Variants in ADGRB3 observed in about 807,000 individuals in gnomAD.
ADGRB3 encodes the protein brain-specific angiogenesis inhibitor 3.
In ADGRB3, 37 loss-of-function variants were observed where a neutral mutation model predicts 193.4. The ratio of observed to expected loss-of-function variants is 0.19; its 90% CI spans 0.15 to 0.25. The LOEUF (loss-of-function observed/expected upper bound fraction) is 0.25. ADGRB3 is among the 10% of genes least tolerant of loss of function. The pLI is 1.00. For synonymous variants in ADGRB3, 690 were observed against 644.2 expected (o/e 1.07, Z -1.08); for missense variants, 1,637 against 1,852.9 (o/e 0.88, Z 2.14).
At chr6:68,804,757 C>A (rs1354714150) in intron 3 of ADGRB3, among the ~76,000 whole-genome samples, 1 of 151,964 alleles carries the variant, frequency 6.6e-6, no homozygotes, top group African/African-American at 2.4e-5. Flanking sequence ...ATTACTAAAA[C>A]AAAATTAAAT....
At chr6:68,723,422 G>A (rs911911381) in intron 3 of ADGRB3, among the ~76,000 whole-genome samples, 3 of 151,766 alleles carry the variant, frequency 2.0e-5, no homozygotes, top group South Asian at 4.2e-4. Flanking sequence ...CCTGGTAAGC[G>A]ACAGTTCGAT....
intron 17 of ADGRB3, among the ~76,000 whole-genome samples, chr6:69,229,198 G>T (rs149847953): frequency 2.0e-5 from 3 of 152,000 alleles, no homozygotes; most frequent in Admixed American, 6.6e-5. Flanking sequence ...AGAAATTAAC[G>T]TCGAAGAGTG....
intron 3 of ADGRB3, among the ~76,000 whole-genome samples, chr6:68,913,894 A>T (rs1410863318): frequency 6.6e-6 from 1 of 152,092 alleles, no homozygotes; most frequent in Non-Finnish European, 1.5e-5. Context: ...TACGTGAAGA[A>T]TGCAGAAGCC....
At chr6:69,106,806 G>A (rs934081170) in intron 17 of ADGRB3, among the ~76,000 whole-genome samples, 5 of 152,192 alleles carry the variant, frequency 3.3e-5, no homozygotes, top group Non-Finnish European at 7.3e-5. Flanking sequence ...AAGACAAAGG[G>A]AATGTCTAAA....
At chr6:68,897,630 G>A (rs1198299741) in intron 3 of ADGRB3, among the ~76,000 whole-genome samples, 3 of 122,588 alleles carry the variant, frequency 2.4e-5, no homozygotes, top group African/African-American at 7.0e-5. Flanking sequence ...GAGGGAGGGA[G>A]GAAAGAGGAA....
intron 17 of ADGRB3, among the ~76,000 whole-genome samples, chr6:69,156,753 T>A (rs558093802): frequency 2.0e-4 from 31 of 152,324 alleles, no homozygotes; most frequent in African/African-American, 7.5e-4. Context: ...GAAGGCTGAC[T>A]TTCAAATTTT....
At chr6:69,159,254 G>T (rs1456781327) in intron 17 of ADGRB3, among the ~76,000 whole-genome samples, 1 of 151,952 alleles carries the variant, frequency 6.6e-6, no homozygotes, top group Non-Finnish European at 1.5e-5. Context: ...TCATTATTAA[G>T]TAGAATTTAT....
chr6:69,239,093 A>T, intron 19 of ADGRB3, 31 bp from the exon 20 acceptor site: 1 of 1,350,646 alleles, frequency 7.4e-7, no homozygotes, highest in Non-Finnish European at 1.0e-6. Context: ...GTTGGATTTT[A>T]AAGTTGGGTA....
chr6:69,285,971 G>A (rs1426584569), intron 20 of ADGRB3, among the ~76,000 whole-genome samples: 1 of 152,046 alleles, frequency 6.6e-6, no homozygotes, highest in Non-Finnish European at 1.5e-5. Flanking sequence ...AGGAGGCAAA[G>A]GTTTCATGCC....
chr6:69,324,148 G>A (rs1768518934), intron 20 of ADGRB3, among the ~76,000 whole-genome samples: 1 of 152,026 alleles, frequency 6.6e-6, no homozygotes, highest in South Asian at 2.1e-4. Flanking sequence ...CTAATGATAA[G>A]CACATTCAAG....
chr6:69,386,020 C>G (rs1281692080), intron 31 of ADGRB3, among the ~76,000 whole-genome samples: 1 of 151,974 alleles, frequency 6.6e-6, no homozygotes, highest in Non-Finnish European at 1.5e-5. Context: ...TAAAGGGCAT[C>G]CACACATTTG....
At chr6:69,223,652 CTTTTTT>C (rs554027181) in intron 17 of ADGRB3, among the ~76,000 whole-genome samples, 2 of 110,396 alleles carry the variant, frequency 1.8e-5, no homozygotes, top group African/African-American at 7.7e-5. Flanking sequence ...CTCTCTCTCT[CTTTTTT>C]TTTTTTTTTT....
intron 3 of ADGRB3, among the ~76,000 whole-genome samples, chr6:68,690,305 A>G (rs1472963344): frequency 1.3e-5 from 2 of 152,132 alleles, no homozygotes; most frequent in Admixed American, 6.6e-5. Flanking sequence ...AGACTTGGAA[A>G]TATTACAACG....
At chr6:69,215,974 A>G (rs1317261230) in intron 17 of ADGRB3, among the ~76,000 whole-genome samples, 1 of 152,200 alleles carries the variant, frequency 6.6e-6, no homozygotes, top group African/African-American at 2.4e-5. Context: ...ACTACTTTCT[A>G]GGACACAAAG....
intron 3 of ADGRB3, among the ~76,000 whole-genome samples, chr6:68,651,754 G>A (rs1768371604): frequency 6.6e-6 from 1 of 152,150 alleles, no homozygotes; most frequent in Non-Finnish European, 1.5e-5. Flanking sequence ...GAAGTGGGCA[G>A]AAAGCCTAAA....
chr6:69,018,558 T>A, intron 13 of ADGRB3, 59 bp downstream of exon 13: 2 of 1,085,574 alleles, frequency 1.8e-6, no homozygotes, highest in Non-Finnish European at 2.8e-6. Context: ...TGCAAGTATC[T>A]ACACCATACG....
intron 17 of ADGRB3, among the ~76,000 whole-genome samples, chr6:69,084,954 T>C (rs1325042099): frequency 6.6e-6 from 1 of 152,124 alleles, no homozygotes; most frequent in Non-Finnish European, 1.5e-5. Context: ...TGTGAAAGAA[T>C]CTACCAAGGA....
At chr6:69,035,954 A>C (rs1256259664) in intron 13 of ADGRB3, among the ~76,000 whole-genome samples, 2 of 152,192 alleles carry the variant, frequency 1.3e-5, no homozygotes, top group Admixed American at 1.3e-4. Flanking sequence ...GAGTGGGTGG[A>C]AATCCAGAGT....
chr6:68,896,230 G>A (rs1049152286), intron 3 of ADGRB3, among the ~76,000 whole-genome samples: 5 of 152,036 alleles, frequency 3.3e-5, no homozygotes, highest in Admixed American at 1.3e-4. Flanking sequence ...ATATATGTAA[G>A]AGAACTGGAG....
Sources: allele counts gnomAD v4.1 joint callset (sites outside exome capture counted in the v4.1 genomes callset), GRCh38; gene constraint gnomAD v4.1.1; transcripts MANE v1.5; gene names NCBI Gene and HGNC (gene_info 2026-07-23, HGNC 2026-07-21).